The following TMEM91 variants were observed in gnomAD, a reference collection of about 807,000 sequenced individuals.
The protein encoded by TMEM91 is dispanin subfamily C member 3.
Under a neutral mutation model 13.3 loss-of-function variants are expected in TMEM91, and 6 were observed. That is an observed-to-expected ratio of 0.45 (90% CI 0.25 to 0.89). The LOEUF is 0.89. Ranked by LOEUF, TMEM91 falls within the 40% of genes least tolerant of loss-of-function variation. The pLI is 0.19. For synonymous variants in TMEM91, 87 were observed against 101.7 expected (o/e 0.86, Z 0.87); for missense variants, 193 against 228.7 (o/e 0.84, Z 1.01).
rs1221904589 is a variant in TMEM91 at position 41,378,512 on chromosome 19, ATGT to A, written c.206_208del (p.Val69del). ...GGCCTGGGGGAACCAAGGCCCCCTGATGTTGAGGTAGGAAACAGCAGGCCTTAG... is the reference window on the plus strand; with the variant it reads ...GGCCTGGGGGAACCAAGGCCCCCTGATGAGGTAGGAAACAGCAGGCCTTAG... On this transcript the variant is annotated inframe_deletion, in exon 2 of 4. Transcript: ENST00000392002. 1 of 1,613,970 alleles carries A rather than the reference ATGT, an allele frequency of 6.2e-7. No homozygotes were observed. Among genetic ancestry groups the A allele is most frequent in the African/African-American group, 1.3e-5 (1 of 75,008 alleles).
chr19:41,371,401 C>T (rs112030491), intron 1 of TMEM91, among the ~76,000 whole-genome samples: 7,117 of 145,826 alleles, frequency 0.049, 264 homozygotes, highest in Non-Finnish European at 0.078. Flanking sequence ...TTCCTCCCTC[C>T]CTCCCTCCTT....
intron 1 of TMEM91, among the ~76,000 whole-genome samples, chr19:41,370,739 G>A (rs1049363485): frequency 6.7e-6 from 1 of 150,048 alleles, no homozygotes; most frequent in Non-Finnish European, 1.5e-5. Context: ...GTCTCATTGT[G>A]TTGCCTAGGC....
At chr19:41,365,364 A>G (rs974689846) in intron 1 of TMEM91, among the ~76,000 whole-genome samples, 1 of 152,158 alleles carries the variant, frequency 6.6e-6, no homozygotes, top group African/African-American at 2.4e-5. Flanking sequence ...ATTGTTTAAT[A>G]TAAATGTTAT....
intron 1 of TMEM91, among the ~76,000 whole-genome samples, chr19:41,365,850 G>A (rs1384196955): frequency 6.7e-6 from 1 of 149,998 alleles, no homozygotes; most frequent in African/African-American, 2.4e-5. Flanking sequence ...AGCTGGGATT[G>A]CAGGCACCCA....
chr19:41,370,252 T>C (rs2038592958), intron 1 of TMEM91, among the ~76,000 whole-genome samples: 1 of 151,946 alleles, frequency 6.6e-6, no homozygotes, highest in African/African-American at 2.4e-5. Context: ...TAATTTTGTA[T>C]TTTTAGTAGA....
chr19:41,370,392 AT>A (rs374256626), intron 1 of TMEM91, among the ~76,000 whole-genome samples: 6 of 47,380 alleles, frequency 1.3e-4, no homozygotes, highest in Non-Finnish European at 2.6e-4. Flanking sequence ...ATTTATTTTT[AT>A]TTTATTTATT....
chr19:41,366,197 T>A (rs1354023259), intron 1 of TMEM91, among the ~76,000 whole-genome samples: 1 of 151,930 alleles, frequency 6.6e-6, no homozygotes, highest in Non-Finnish European at 1.5e-5. Context: ...TTTATTTATT[T>A]ATTTCTGGAT....
At chr19:41,373,885 C>T (rs1333707969), upstream of TMEM91, 4 of 151,774 alleles carry the variant, frequency 2.6e-5, no homozygotes, top group African/African-American at 9.7e-5. Context: ...GCTATGTCGC[C>T]CAGGCTGGTT....
chr19:41,365,187 A>G (rs1475762846), intron 1 of TMEM91, among the ~76,000 whole-genome samples: 6 of 151,788 alleles, frequency 4.0e-5, no homozygotes, highest in Admixed American at 6.6e-5. Context: ...AGCCAGGCCA[A>G]TAGATACAAA....
upstream of TMEM91, among the ~76,000 whole-genome samples, chr19:41,374,666 G>A (rs2038677223): frequency 6.6e-6 from 1 of 152,046 alleles, no homozygotes; most frequent in Non-Finnish European, 1.5e-5. Context: ...ATTGTCTAGA[G>A]GCCACACACT....
intron 1 of TMEM91, among the ~76,000 whole-genome samples, chr19:41,365,396 C>T (rs2038501719): frequency 6.6e-6 from 1 of 152,036 alleles, no homozygotes; most frequent in Admixed American, 6.6e-5. Context: ...GTTGTACCCT[C>T]GTTATAATTT....
At chr19:41,367,424 G>A (rs1275414931) in intron 1 of TMEM91, among the ~76,000 whole-genome samples, 1 of 151,642 alleles carries the variant, frequency 6.6e-6, no homozygotes, top group Non-Finnish European at 1.5e-5. Flanking sequence ...CGAGGTCAGG[G>A]GTTCAAGACC....
chr19:41,383,521 A>ATT (rs566925777), intron 3 of TMEM91, 194 bp from the exon 4 acceptor site: 3 of 1,455,512 alleles, frequency 2.1e-6, no homozygotes, highest in Non-Finnish European at 2.7e-6. Context: ...TATTATTATT[A>ATT]TTATTTTTTA....
At chr19:41,370,356 C>T (rs916668850) in intron 1 of TMEM91, among the ~76,000 whole-genome samples, 3 of 151,316 alleles carry the variant, frequency 2.0e-5, no homozygotes, top group Admixed American at 6.6e-5. Context: ...GGATTATAGG[C>T]GTGAGCCACT....
In TMEM91 at chr19:41,382,857, C is replaced by T; in HGVS notation, c.296C>T (p.Ala99Val). The T allele has an allele frequency of 6.2e-7, 1 of 1,614,228 alleles. No individual in the cohort carries two copies. Among genetic ancestry groups the T allele is most frequent in the Non-Finnish European group, 8.5e-7 (1 of 1,180,048 alleles). Residue 99 changes from alanine to valine, a missense_variant, in exon 3 of 4, where the codon GCT becomes GTT. Coordinates refer to ENST00000392002, the MANE Select transcript of TMEM91 (RefSeq NM_001098821.2). ...CTACCCCACGACCACCTCGGCTTGG[C>T]TGTCTTCTCCATGCTGTGTTGTTTC... ...PFLPHDHLGL[A>V]VFSMLCCFWP...
In TMEM91 at chr19:41,378,404, G is replaced by T. The variant is rs1304810175; in HGVS notation, c.95G>T (p.Gly32Val). The T allele has an allele frequency of 6.2e-7, 1 of 1,614,080 alleles. No homozygotes were observed. Among genetic ancestry groups the T allele is most frequent in the Admixed American group, 1.7e-5 (1 of 59,996 alleles). Residue 32 changes from glycine (G) to valine (V), a missense_variant, in exon 2 of 4, where the codon GGG becomes GTG. Gly to Val is a moderately radical substitution (Grantham distance 109). Coordinates refer to ENST00000392002, the MANE Select transcript of TMEM91 (RefSeq NM_001098821.2). ...CAGAAGCCTGGCAGGCATGAGCTGG[G>T]GTCCCCCTTAAGAGAGATAGCCTTT... ...PAQKPGRHELGSPLREIAFAE... is the reference protein window; with the variant it reads ...PAQKPGRHELVSPLREIAFAE...
chr19:41,382,857 C>G lies in TMEM91; in HGVS notation c.296C>G (p.Ala99Gly). 1 of 1,614,228 alleles carries G rather than the reference C, an allele frequency of 6.2e-7. No individual in the cohort carries two copies. Among genetic ancestry groups the G allele is most frequent in the Non-Finnish European group, 8.5e-7 (1 of 1,180,048 alleles). The change falls in exon 3 of 4, where the codon GCT (alanine) becomes GGT (glycine). Residue 99 changes from alanine (A) to glycine (G), a missense_variant. Coordinates refer to ENST00000392002, the MANE Select transcript of TMEM91 (RefSeq NM_001098821.2). ...CTACCCCACGACCACCTCGGCTTGG[C>G]TGTCTTCTCCATGCTGTGTTGTTTC... is the stretch of plus-strand genomic sequence containing the variant. The part of the protein sequence containing the change: ...PFLPHDHLGL[A>G]VFSMLCCFWP...
chr19:41,368,764 T>G (rs564985687), intron 1 of TMEM91, among the ~76,000 whole-genome samples: 1 of 151,576 alleles, frequency 6.6e-6, no homozygotes, highest in African/African-American at 2.4e-5. Flanking sequence ...TTTCAGTAAG[T>G]GGAGCCTAAT....
chr19:41,374,012 G>A (rs1288873857), upstream of TMEM91: 2 of 152,214 alleles, frequency 1.3e-5, no homozygotes, highest in Non-Finnish European at 2.9e-5. Flanking sequence ...AAAAGAATGA[G>A]AGCAAGGTTG....
Sources: allele counts gnomAD v4.1 joint callset (sites outside exome capture counted in the v4.1 genomes callset), GRCh38; gene constraint gnomAD v4.1.1; transcripts MANE v1.5; gene names NCBI Gene and HGNC (gene_info 2026-07-23, HGNC 2026-07-21).